The following BMS1 variants were observed in gnomAD, a reference collection of about 807,000 sequenced individuals.
BMS1 encodes BMS1 ribosome biogenesis factor.
BMS1 carries 53 observed loss-of-function variants against 138.7 expected under a neutral mutation model. The ratio of observed to expected loss-of-function variants is 0.38; its 90% confidence interval spans 0.31 to 0.48. The LOEUF is 0.48. BMS1 is among the 20% of genes least tolerant of loss of function. The pLI is 0.97. For synonymous variants in BMS1, 504 were observed against 539.9 expected (o/e 0.93, Z 0.92); for missense variants, 1,360 against 1,565.5 (o/e 0.87, Z 2.22).
Position 42,833,737 on chromosome 10 carries a change from A to G in BMS1, c.*2641A>G, listed in dbSNP as rs1370604022. 2 of 152,264 alleles carry G rather than the reference A, an allele frequency of 1.3e-5. No individual in the cohort carries two copies. Among genetic ancestry groups the G allele is most frequent in the East Asian group, 1.9e-4 (1 of 5,198 alleles). 9.4% of individuals were successfully genotyped at this position (152,264 alleles called of 1,614,324 possible). A position where few individuals can be genotyped will look rare whatever the true frequency, so the allele number is the denominator to read the frequency against. ...GTTTGCATCCATCTCATAGGAAGAC[A>G]TATATCAAAATAAGGACCAGACTGG... On this transcript the variant is annotated 3_prime_UTR_variant, in exon 23 of 23. Transcript: ENST00000374518.
At position 42,787,184 on chromosome 10, in the gene BMS1, C is replaced by T. The variant is rs756531858; in HGVS notation, c.384C>T (p.Leu128=). The change falls in exon 4 of 23, where the codon CTC becomes CTT. Residue 128 remains leucine, a synonymous_variant. Coordinates refer to ENST00000374518, the MANE Select transcript of BMS1 (RefSeq NM_014753.4). ...CACTTATAGGTAAAAAGCGCAGACTCACCATTATTGAATGTGGGTGTGACA... is the reference window on the plus strand; with the variant it reads ...CACTTATAGGTAAAAAGCGCAGACTTACCATTATTGAATGTGGGTGTGACA... ...VTIVSGKKRR[L]TIIECGCDIN... 7 of 1,301,216 alleles carry T rather than the reference C, an allele frequency of 5.4e-6. No homozygotes were observed. The highest frequency in any genetic ancestry group is 1.5e-5 in the African/African-American group (1 of 68,790). The allele number at this position is 1,301,216 out of a possible 1,614,324, so 80.6% of individuals were successfully genotyped here. A position where few individuals can be genotyped will look rare whatever the true frequency, so the allele number is the denominator to read the frequency against.
Position 42,831,405 on chromosome 10 carries a change from T to C in BMS1, c.*309T>C, listed in dbSNP as rs1470678363. On this transcript the variant is annotated 3_prime_UTR_variant, in exon 23 of 23. Transcript: ENST00000374518. ...ATCATTAAAATATTTTTTTGTTACT[T>C]TTGGCTTAGTAGTTTTCATTAGGGA... The C allele has an allele frequency of 8.3e-6, 2 of 241,992 alleles. No homozygotes were observed. The highest frequency in any genetic ancestry group is 4.5e-5 in the African/African-American group (2 of 44,668). 15.0% of individuals were successfully genotyped at this position (241,992 alleles called of 1,614,324 possible). A position where few individuals can be genotyped will look rare whatever the true frequency, so the allele number is the denominator to read the frequency against.
rs1374733013 is a variant in BMS1, at chr10:42,832,718, A to C, written c.*1622A>C. 1 of 152,104 alleles carries C rather than the reference A, an allele frequency of 6.6e-6. No homozygotes were observed. Among genetic ancestry groups the C allele is most frequent in the Non-Finnish European group, 1.5e-5 (1 of 68,018 alleles). 9.4% of individuals were successfully genotyped at this position (152,104 alleles called of 1,614,324 possible). On this transcript the variant is annotated 3_prime_UTR_variant, in exon 23 of 23. Coordinates refer to ENST00000374518, the MANE Select transcript of BMS1 (RefSeq NM_014753.4). ...TGAGGATCCTGTCAGGGCTAGGTCC[A>C]CCTGGGAAGTGACAATTGGAACACT...
rs1276466543 is a variant in BMS1, at chr10:42,792,625, G to A, written c.901+11G>A. ...AAATTCACATGCCAGGTATTCTCTT[G>A]TTGTAGAACATACTAGAATTACACA... On this transcript the variant is annotated intron_variant, in intron 7 of 22. Transcript: ENST00000374518. 6 of 1,602,862 alleles carry A rather than the reference G, an allele frequency of 3.7e-6. No individual in the cohort carries two copies. Among genetic ancestry groups the A allele is most frequent in the Non-Finnish European group, 5.1e-6 (6 of 1,179,258 alleles).
intron 13 of BMS1, among the ~76,000 whole-genome samples, chr10:42,815,434 T>C (rs912797009): frequency 3.3e-5 from 5 of 152,264 alleles, no homozygotes; most frequent in African/African-American, 9.6e-5. Context: ...TATCCTTTTT[T>C]GCTTTTATTA....
intron 21 of BMS1, 22 bp downstream of exon 21, chr10:42,823,806 G>A (rs766014508): frequency 4.6e-6 from 7 of 1,516,814 alleles, no homozygotes; most frequent in African/African-American, 4.1e-5. Context: ...GTGTGTGTTA[G>A]TGGAGATGAA....
intron 18 of BMS1, 96 bp from the exon 19 acceptor site, chr10:42,821,966 G>A (rs1157469261): frequency 7.8e-7 from 1 of 1,285,048 alleles, no homozygotes; most frequent in African/African-American, 1.5e-5. Flanking sequence ...CTAATTGTAA[G>A]TAAAATTCAC....
At chr10:42,784,077 A>G (rs1057216033) in intron 1 of BMS1, among the ~76,000 whole-genome samples, 6 of 152,234 alleles carry the variant, frequency 3.9e-5, no homozygotes, top group African/African-American at 1.4e-4. Flanking sequence ...CAGATATAGT[A>G]TATTTCTATC....
intron 9 of BMS1, among the ~76,000 whole-genome samples, chr10:42,795,940 C>T (rs991423458): frequency 6.6e-6 from 1 of 152,174 alleles, no homozygotes; most frequent in Admixed American, 6.5e-5. Flanking sequence ...TTTTCCATCA[C>T]TATCATTATT....
Position 42,831,308 on chromosome 10 carries a change from T to A in BMS1, c.*212T>A, listed in dbSNP as rs1842795693. On this transcript the variant is annotated 3_prime_UTR_variant, in exon 23 of 23. Transcript: ENST00000374518. ...GGGGCTGTCGAGATTTAAAGTGATG[T>A]AAGCTGTGGTTATGTGGATTCTCTT... 4 of 537,654 alleles carry A rather than the reference T, an allele frequency of 7.4e-6. No homozygotes were observed. The highest frequency in any genetic ancestry group is 9.9e-6 in the Non-Finnish European group (3 of 302,530). The allele number at this position is 537,654 out of a possible 1,614,324, so 33.3% of individuals were successfully genotyped here.
intron 13 of BMS1, among the ~76,000 whole-genome samples, chr10:42,806,850 G>A (rs976598755): frequency 2.0e-5 from 3 of 149,948 alleles, no homozygotes; most frequent in African/African-American, 2.5e-5. Flanking sequence ...TGACATGCAC[G>A]TGTAAGAACA....
intron 13 of BMS1, among the ~76,000 whole-genome samples, chr10:42,810,615 A>G (rs1265148297): frequency 2.6e-5 from 4 of 152,182 alleles, no homozygotes; most frequent in Admixed American, 2.0e-4. Flanking sequence ...CTCCAGTGAA[A>G]TCATCTGGGC....
At chr10:42,792,758 G>A in intron 7 of BMS1, 144 bp downstream of exon 7, 1 of 1,376,448 alleles carries the variant, frequency 7.3e-7, no homozygotes, top group Non-Finnish European at 9.8e-7. Context: ...GTGTAGGCCT[G>A]CAAAGGTGTT....
chr10:42,808,550 T>C (rs7100307), intron 13 of BMS1, among the ~76,000 whole-genome samples: 71,585 of 151,760 alleles, frequency 0.47, 17,594 homozygotes, highest in East Asian at 0.63. Context: ...CCGCCTTACT[T>C]GGCCTCCCAA....
In BMS1 at chr10:42,817,006, G is replaced by A. The variant is rs138711044; in HGVS notation, c.2404-312G>A. ...TGTCATTTAAAAGAATGAAGTCCCT[G>A]TTCTCCCTAGTATTTCTTTAGAACA... On this transcript the variant is annotated intron_variant, in intron 14 of 22. Transcript: ENST00000374518. Among the ~76,000 whole-genome samples the A allele has an allele frequency of 5.8e-3, 882 of 152,240 alleles. 12 individuals are homozygous for A. Among genetic ancestry groups the A allele is most frequent in the African/African-American group, 0.02 (813 of 41,544 alleles).
intron 13 of BMS1, among the ~76,000 whole-genome samples, chr10:42,811,716 G>A (rs1718289118): frequency 6.7e-6 from 1 of 150,230 alleles, no homozygotes; most frequent in Non-Finnish European, 1.5e-5. Flanking sequence ...AGTAGAGACG[G>A]GGTTTCACCG....
At chr10:42,793,458 T>A (rs1326973725) in intron 8 of BMS1, among the ~76,000 whole-genome samples, 1 of 152,154 alleles carries the variant, frequency 6.6e-6, no homozygotes, top group East Asian at 1.9e-4. Flanking sequence ...CTTTCATTGG[T>A]CTTTTTCTCA....
In BMS1 at chr10:42,816,621, A is replaced by G. The variant is rs1195066569; in HGVS notation, c.2352A>G (p.Glu784=). 1.9e-6 allele frequency: 3 copies of G among 1,611,216 alleles called. No individual in the cohort carries two copies. The African/African-American group carries it at 4.0e-5, about 22-fold the overall frequency. ...CAGAGGAGCTCTACGGTGACTTTGA[A>G]GACTTGGAAACAGGGGACGTGCACA... is the stretch of plus-strand genomic sequence containing the variant. ...AEDEELYGDF[E]DLETGDVHKG... The change falls in exon 14 of 23, where the codon GAA becomes GAG. Residue 784 remains glutamate (E), a synonymous_variant. Coordinates refer to ENST00000374518, the MANE Select transcript of BMS1 (RefSeq NM_014753.4).
Position 42,821,542 on chromosome 10 carries a change from CTTTTTTTT to C in BMS1, c.3010-499_3010-492del, listed in dbSNP as rs34272995. ...ACTCTCAGGAAAGTACTCAAGGCGC[CTTTTTTTT>C]TTTTTTTTTTTTTTTTTTTTGAGAC... On this transcript the variant is annotated intron_variant, in intron 18 of 22. Transcript: ENST00000374518. 6.4e-3 allele frequency among the ~76,000 whole-genome samples: 440 copies of C among 68,606 alleles called. 1 individual carries two copies. The highest frequency in any genetic ancestry group is 0.025 in the African/African-American group (401 of 16,090). 45.0% of individuals were successfully genotyped at this position (68,606 alleles called of 152,430 possible).
Sources: allele counts gnomAD v4.1 joint callset (sites outside exome capture counted in the v4.1 genomes callset), GRCh38; gene constraint gnomAD v4.1.1; transcripts MANE v1.5; gene names NCBI Gene and HGNC (gene_info 2026-07-23, HGNC 2026-07-21).